The following KCNH7 variants were observed in gnomAD, a reference collection of about 807,000 sequenced individuals.
KCNH7 encodes potassium voltage-gated channel subfamily H member 7.
Under a neutral mutation model 120.8 loss-of-function variants are expected in KCNH7, and 49 were observed. The observed-to-expected ratio is 0.41, with a 90% CI of 0.32 to 0.51. The LOEUF is 0.51. Ranked by LOEUF, KCNH7 falls within the 20% of genes least tolerant of loss-of-function variation. KCNH7 has a pLI of 0.38. For missense variants in KCNH7, 1,097 were observed against 1,446.6 expected (o/e 0.76, Z 3.92); for synonymous variants, 547 against 516.1 (o/e 1.06, Z -0.81).
At chr2:162,614,311 T>C (rs1163486288) in intron 2 of KCNH7, among the ~76,000 whole-genome samples, 1 of 152,216 alleles carries the variant, frequency 6.6e-6, no homozygotes, top group Non-Finnish European at 1.5e-5. Flanking sequence ...TACTTCATCA[T>C]AGATAACTAA....
chr2:162,730,654 A>G (rs1687692263), intron 2 of KCNH7, among the ~76,000 whole-genome samples: 1 of 152,088 alleles, frequency 6.6e-6, no homozygotes, highest in South Asian at 2.1e-4. Flanking sequence ...TGTGATAGGC[A>G]GTTTTTACCA....
intron 2 of KCNH7, among the ~76,000 whole-genome samples, chr2:162,828,189 T>G (rs1288774749): frequency 6.6e-6 from 1 of 152,166 alleles, no homozygotes; most frequent in Non-Finnish European, 1.5e-5. Flanking sequence ...CTTGCATAGC[T>G]CTAACATTGA....
intron 2 of KCNH7, among the ~76,000 whole-genome samples, chr2:162,718,721 T>C (rs1299550855): frequency 1.3e-5 from 2 of 152,036 alleles, no homozygotes; most frequent in East Asian, 3.8e-4. Flanking sequence ...TTAAAAAGTA[T>C]CAATCCATGT....
chr2:162,389,557 G>A (rs1008077127), intron 12 of KCNH7, among the ~76,000 whole-genome samples: 2 of 152,104 alleles, frequency 1.3e-5, no homozygotes, highest in African/African-American at 4.8e-5. Context: ...GGGAGGCAGA[G>A]GAATCAATGC....
intron 2 of KCNH7, among the ~76,000 whole-genome samples, chr2:162,830,819 C>A (rs2105616251): frequency 6.6e-6 from 1 of 152,176 alleles, no homozygotes. Context: ...ATCTTGAAAG[C>A]AAAGAGCCAG....
rs1309535264 is a variant in KCNH7 at position 162,680,742 on chromosome 2, T to C, written c.308-143662A>G. 1.2e-4 allele frequency among the ~76,000 whole-genome samples: 18 copies of C among 151,770 alleles called. 1 individual carries two copies. In the Admixed American group the frequency reaches 1.2e-3, roughly 10 times the overall value. ...GGCTGTGCGGGTGTCAGTTATTAAA[T>C]CTTCTAAGCCTTCCTTTACTCACTT... On this transcript the variant is annotated intron_variant, in intron 2 of 15. Coordinates refer to ENST00000332142, the MANE Select transcript of KCNH7 (RefSeq NM_033272.4).
intron 2 of KCNH7, among the ~76,000 whole-genome samples, chr2:162,818,180 T>C (rs1182091127): frequency 1.3e-5 from 2 of 152,002 alleles, no homozygotes; most frequent in African/African-American, 4.8e-5. Flanking sequence ...CTTTGTAATA[T>C]TTACTTGCTC....
At chr2:162,475,325 A>G (rs189792994) in intron 6 of KCNH7, among the ~76,000 whole-genome samples, 137 of 152,322 alleles carry the variant, frequency 9.0e-4, no homozygotes, top group African/African-American at 3.2e-3. Context: ...AATAATAATC[A>G]GTTGTCTCAC....
intron 2 of KCNH7, among the ~76,000 whole-genome samples, chr2:162,645,654 G>A (rs1684332023): frequency 6.6e-6 from 1 of 152,124 alleles, no homozygotes; most frequent in South Asian, 2.1e-4. Context: ...TAAACCATGT[G>A]TATTTCTCCC....
intron 12 of KCNH7, among the ~76,000 whole-genome samples, chr2:162,393,268 C>T (rs1301221183): frequency 6.6e-6 from 1 of 151,938 alleles, no homozygotes; most frequent in East Asian, 1.9e-4. Flanking sequence ...TGAGTTCGAG[C>T]TGCCTTTGAG....
intron 2 of KCNH7, among the ~76,000 whole-genome samples, chr2:162,727,478 G>A (rs954092007): frequency 6.6e-5 from 10 of 152,036 alleles, no homozygotes; most frequent in Non-Finnish European, 1.2e-4. Flanking sequence ...TTTTGTAGTT[G>A]ATCTTCGTCA....
At chr2:162,381,801 G>A (rs933916638) in intron 13 of KCNH7, among the ~76,000 whole-genome samples, 3 of 152,072 alleles carry the variant, frequency 2.0e-5, no homozygotes, top group Non-Finnish European at 2.9e-5. Context: ...GGAGTTTTAA[G>A]TCACTTATCT....
chr2:162,529,679 A>G (rs1691847812), intron 3 of KCNH7, among the ~76,000 whole-genome samples: 1 of 151,962 alleles, frequency 6.6e-6, no homozygotes, highest in Non-Finnish European at 1.5e-5. Context: ...CATTTTTCAC[A>G]TATATTCTAC....
At position 162,548,050 on chromosome 2, in the gene KCNH7, A is replaced by G. The variant is rs192853495; in HGVS notation, c.308-10970T>C. On this transcript the variant is annotated intron_variant, in intron 2 of 15. Transcript: ENST00000332142. ...TTTTAGCCCTCTCCTCTTCTCACAA[A>G]AGTTCATATTCTGTTGGACTATTTT... Among the ~76,000 whole-genome samples, 52 of 152,322 alleles carry G rather than the reference A, an allele frequency of 3.4e-4. No individual in the cohort carries two copies. In the East Asian group the frequency reaches 9.3e-3, roughly 27 times the overall value.
intron 2 of KCNH7, among the ~76,000 whole-genome samples, chr2:162,776,621 G>C (rs910069426): frequency 1.3e-5 from 2 of 152,138 alleles, no homozygotes; most frequent in East Asian, 3.9e-4. Flanking sequence ...AAGAGCTTCA[G>C]ATCATGTAGT....
intron 2 of KCNH7, among the ~76,000 whole-genome samples, chr2:162,815,993 C>A (rs1360634511): frequency 6.6e-6 from 1 of 151,854 alleles, no homozygotes; most frequent in Non-Finnish European, 1.5e-5. Flanking sequence ...GTGCAGTGGC[C>A]CACACCTATA....
chr2:162,753,446 T>G (rs1210729380), intron 2 of KCNH7, among the ~76,000 whole-genome samples: 1 of 152,196 alleles, frequency 6.6e-6, no homozygotes, highest in Admixed American at 6.5e-5. Context: ...GCCATTCAGA[T>G]GCCTGCTCCC....
chr2:162,382,439 A>G (rs749211276), intron 13 of KCNH7, among the ~76,000 whole-genome samples: 1 of 152,076 alleles, frequency 6.6e-6, no homozygotes, highest in Non-Finnish European at 1.5e-5. Flanking sequence ...AAGAATCTGC[A>G]CTTGGTTGCC....
chr2:162,559,038 G>C (rs1283820869), intron 2 of KCNH7, among the ~76,000 whole-genome samples: 2 of 110,532 alleles, frequency 1.8e-5, no homozygotes, highest in African/African-American at 3.6e-5. Flanking sequence ...CTGGGCAACA[G>C]AGCAAGACTC....
Sources: allele counts gnomAD v4.1 joint callset (sites outside exome capture counted in the v4.1 genomes callset), GRCh38; gene constraint gnomAD v4.1.1; transcripts MANE v1.5; gene names NCBI Gene and HGNC (gene_info 2026-07-23, HGNC 2026-07-21).